BTG4: variants seen among roughly 807,000 people sequenced by gnomAD.
BTG4 encodes protein BTG4.
Under a neutral mutation model 19.3 loss-of-function variants are expected in BTG4, and 10 were observed. The ratio of observed to expected loss-of-function variants is 0.52; its 90% confidence interval spans 0.32 to 0.88. The LOEUF (loss-of-function observed/expected upper bound fraction) is 0.88, where lower values mean the gene tolerates loss of function less well. Ranked by LOEUF, BTG4 falls within the 40% of genes least tolerant of loss-of-function variation. BTG4 has a pLI of 0.04. For missense variants in BTG4, 238 were observed against 281.9 expected (o/e 0.84, Z 1.11); for synonymous variants, 91 against 95.7 (o/e 0.95, Z 0.29).
At chr11:111,501,552 T>A (rs1015333426) in intron 1 of BTG4, among the ~76,000 whole-genome samples, 1 of 152,174 alleles carries the variant, frequency 6.6e-6, no homozygotes, top group Admixed American at 6.5e-5. Flanking sequence ...AGTATTCCAG[T>A]ACAGCAGAGA....
At chr11:111,404,849 A>C in the BTG4 span, 1 of 343,678 alleles carries the variant, frequency 2.9e-6, no homozygotes, top group Non-Finnish European at 5.7e-6. Flanking sequence ...TCTAATTGTC[A>C]ATATTGAACA....
chr11:111,436,224 C>T, the BTG4 span, among the ~76,000 whole-genome samples: 7 of 152,176 alleles, frequency 4.6e-5, no homozygotes, highest in Admixed American at 3.9e-4. Context: ...AGCTGCAAAT[C>T]CAGCACCCTG....
At chr11:111,464,508 C>G (rs1863606404), downstream of BTG4, 1 of 152,302 alleles carries the variant, frequency 6.6e-6, no homozygotes, top group Non-Finnish European at 1.5e-5. Context: ...TTGGCCACAA[C>G]CCTAGGCCCT....
the BTG4 span, among the ~76,000 whole-genome samples, chr11:111,445,941 G>T: frequency 6.6e-6 from 1 of 152,158 alleles, no homozygotes. Flanking sequence ...CACCAGCCAA[G>T]TACAACCTCC....
At chr11:111,425,923 C>T in the BTG4 span, among the ~76,000 whole-genome samples, 1 of 152,018 alleles carries the variant, frequency 6.6e-6, no homozygotes, top group Non-Finnish European at 1.5e-5. Context: ...CCCAGCTACT[C>T]GGGAGGCTGA....
Position 111,494,900 on chromosome 11 carries a change from C to T in BTG4, c.*235G>A. ...AGAGGTCAACATCTTCATTCTGTTA[C>T]CTTACTGGGTACATTCACTGATGTT... On this transcript the variant is annotated 3_prime_UTR_variant, in exon 5 of 5. Transcript: ENST00000692032. 3 of 984,694 alleles carry T rather than the reference C, an allele frequency of 3.0e-6. No individual in the cohort carries two copies. The highest frequency in any genetic ancestry group is 3.6e-6 in the Non-Finnish European group (3 of 829,348). 61.0% of individuals were successfully genotyped at this position (984,694 alleles called of 1,614,324 possible). A position where few individuals can be genotyped will look rare whatever the true frequency, so the allele number is the denominator to read the frequency against.
At chr11:111,489,044 C>A (rs1455774644) in intron 5 of BTG4, among the ~76,000 whole-genome samples, 8 of 16,764 alleles carry the variant, frequency 4.8e-4, no homozygotes, top group Admixed American at 1.5e-3. Flanking sequence ...ACTCGGGAGG[C>A]TGAAGCAGGA....
At chr11:111,452,782 G>A in the BTG4 span, among the ~76,000 whole-genome samples, 1 of 152,230 alleles carries the variant, frequency 6.6e-6, no homozygotes, top group Non-Finnish European at 1.5e-5. Flanking sequence ...TGTCCAGGGT[G>A]CACACCAAGG....
chr11:111,454,982 A>C, the BTG4 span: 1 of 456,292 alleles, frequency 2.2e-6, no homozygotes, highest in Non-Finnish European at 4.4e-6. Context: ...CTCTACCTTA[A>C]ACTTCTGGGT....
At chr11:111,409,425 C>T in the BTG4 span, among the ~76,000 whole-genome samples, 74 of 152,224 alleles carry the variant, frequency 4.9e-4, 1 homozygote, top group South Asian at 7.7e-3. Flanking sequence ...TGGATTGGTT[C>T]TTGGGAAAAT....
At chr11:111,407,696 T>C in the BTG4 span, among the ~76,000 whole-genome samples, 175 of 152,310 alleles carry the variant, frequency 1.1e-3, 1 homozygote, top group Non-Finnish European at 2.0e-3. Context: ...ATAGTCACTA[T>C]TTGTCAAAAG....
the BTG4 span, among the ~76,000 whole-genome samples, chr11:111,444,868 G>C: frequency 3.3e-5 from 5 of 152,174 alleles, no homozygotes; most frequent in East Asian, 9.6e-4. Context: ...AAGCTGGCGT[G>C]GGGGATTCCT....
chr11:111,495,052 T>C lies in BTG4; in HGVS notation c.*83A>G, dbSNP rs538367723. On this transcript the variant is annotated 3_prime_UTR_variant, in exon 5 of 5. Coordinates refer to ENST00000692032, the MANE Select transcript of BTG4 (RefSeq NM_001367975.1). ...ATGGTCATTTTTTGTTTCATGGGCC[T>C]CTCAACCTTAAATTCATTTTTATTT... 13 of 1,390,962 alleles carry C rather than the reference T, an allele frequency of 9.3e-6. 1 individual carries two copies. In the South Asian group the frequency reaches 2.5e-4, roughly 26 times the overall value. 86.2% of individuals were successfully genotyped at this position (1,390,962 alleles called of 1,614,324 possible). A position where few individuals can be genotyped will look rare whatever the true frequency, so the allele number is the denominator to read the frequency against.
chr11:111,455,910 C>T, the BTG4 span: 1 of 429,800 alleles, frequency 2.3e-6, no homozygotes, highest in South Asian at 1.6e-5. Context: ...GCCAGGGCCC[C>T]CCAGGAAACC....
At chr11:111,461,080 A>G in the BTG4 span, among the ~76,000 whole-genome samples, 1 of 152,154 alleles carries the variant, frequency 6.6e-6, no homozygotes, top group Non-Finnish European at 1.5e-5. Context: ...GGGCCAGACT[A>G]GCAGAGGAAG....
the BTG4 span, among the ~76,000 whole-genome samples, chr11:111,405,015 T>C: frequency 6.6e-6 from 1 of 152,234 alleles, no homozygotes; most frequent in African/African-American, 2.4e-5. Context: ...ACTATGCTGG[T>C]CATAGTGTGG....
At chr11:111,478,868 A>G (rs959236876) in intron 5 of BTG4, among the ~76,000 whole-genome samples, 7 of 152,066 alleles carry the variant, frequency 4.6e-5, no homozygotes, top group African/African-American at 9.7e-5. Context: ...CACCAGGGGC[A>G]TATGGTACTA....
chr11:111,388,332 T>A, the BTG4 span, among the ~76,000 whole-genome samples: 4 of 151,428 alleles, frequency 2.6e-5, no homozygotes, highest in South Asian at 8.3e-4. Context: ...TTTGGAGGTG[T>A]GTGTTTTTTT....
At chr11:111,422,945 C>T in the BTG4 span, among the ~76,000 whole-genome samples, 1,199 of 152,292 alleles carry the variant, frequency 7.9e-3, 18 homozygotes, top group African/African-American at 0.027. Context: ...CTCTGTTTTC[C>T]CCCACCTTAG....
Sources: allele counts gnomAD v4.1 joint callset (sites outside exome capture counted in the v4.1 genomes callset), GRCh38; gene constraint gnomAD v4.1.1; transcripts MANE v1.5; gene names NCBI Gene and HGNC (gene_info 2026-07-23, HGNC 2026-07-21).